The following CNTLN variants were observed in gnomAD, a reference collection of about 807,000 sequenced individuals.
The protein encoded by CNTLN is centlein, also known as centlein, centrosomal protein.
In CNTLN, 212 loss-of-function variants were observed where a neutral mutation model predicts 180.0. That is an observed-to-expected ratio of 1.18 (90% CI 1.05 to 1.32). CNTLN has a LOEUF of 1.32. CNTLN is among the 40% of genes most tolerant of loss of function. The pLI, the probability that CNTLN is intolerant of heterozygous loss-of-function variation, is 0.00. For synonymous variants in CNTLN, 722 were observed against 563.1 expected, an observed-to-expected ratio of 1.28 and a Z score of -3.99; for missense variants, 2,095 against 1,610.9, an observed-to-expected ratio of 1.30 and a Z score of -5.14.
chr9:17,409,222 C>T (rs1564080382), intron 15 of CNTLN, 71 bp from the exon 16 acceptor site: 16 of 1,407,046 alleles, frequency 1.1e-5, no homozygotes, highest in Middle Eastern at 1.8e-4. Context: ...ATTATTTGGT[C>T]TTGAACTTAA....
chr9:17,311,162 T>C (rs1015219736), intron 8 of CNTLN, among the ~76,000 whole-genome samples: 3 of 151,806 alleles, frequency 2.0e-5, no homozygotes, highest in Non-Finnish European at 4.4e-5. Flanking sequence ...GTAGCTGGGA[T>C]TATAGGCGCC....
At chr9:17,473,782 C>G (rs1045363149) in intron 23 of CNTLN, among the ~76,000 whole-genome samples, 3 of 152,096 alleles carry the variant, frequency 2.0e-5, no homozygotes, top group Non-Finnish European at 2.9e-5. Flanking sequence ...ATTACCCCGC[C>G]AAAGTAGTTT....
chr9:17,332,997 T>C (rs576563711), intron 10 of CNTLN, among the ~76,000 whole-genome samples: 1 of 152,194 alleles, frequency 6.6e-6, no homozygotes, highest in South Asian at 2.1e-4. Flanking sequence ...ATAAATTTCT[T>C]AACCCTTTCC....
intron 18 of CNTLN, among the ~76,000 whole-genome samples, chr9:17,429,265 G>A (rs991759253): frequency 2.0e-5 from 3 of 152,012 alleles, no homozygotes; most frequent in Admixed American, 6.6e-5. Flanking sequence ...CTTCTTAGCT[G>A]TAACAGAAGT....
chr9:17,507,935 T>C (rs183513502), downstream of CNTLN, among the ~76,000 whole-genome samples: 45 of 152,298 alleles, frequency 3.0e-4, no homozygotes, highest in African/African-American at 1.1e-3. Flanking sequence ...TCATTAGGGA[T>C]AATTTAAAAG....
chr9:17,237,354 TACACACACACACACACACACACACACAC>T (rs59168012), intron 5 of CNTLN, among the ~76,000 whole-genome samples: 2 of 106,462 alleles, frequency 1.9e-5, no homozygotes, highest in African/African-American at 3.5e-5. Context: ...TATATGCCCC[TACACACACACACACACACACACACACAC>T]ACACACACAC....
At chr9:17,222,321 G>T (rs973198461) in intron 2 of CNTLN, among the ~76,000 whole-genome samples, 4 of 151,930 alleles carry the variant, frequency 2.6e-5, no homozygotes, top group African/African-American at 9.7e-5. Flanking sequence ...ATCAACTACT[G>T]ACCTTAATTG....
the CNTLN span, among the ~76,000 whole-genome samples, chr9:17,514,026 A>G: frequency 6.6e-6 from 1 of 151,942 alleles, no homozygotes; most frequent in African/African-American, 2.4e-5. Flanking sequence ...GTAGAAAGTC[A>G]GCCAGGCACA....
intron 6 of CNTLN, among the ~76,000 whole-genome samples, chr9:17,279,258 G>C (rs909636103): frequency 2.0e-5 from 3 of 151,978 alleles, no homozygotes; most frequent in Admixed American, 2.0e-4. Flanking sequence ...CAGATGTTTA[G>C]GCATAATTCT....
intron 6 of CNTLN, 50 bp downstream of exon 6, chr9:17,273,916 T>G: frequency 7.5e-7 from 1 of 1,333,350 alleles, no homozygotes; most frequent in Non-Finnish European, 1.0e-6. Context: ...TCATTAGTTA[T>G]TCAGAATGAT....
chr9:17,281,297 C>T (rs1256199680), intron 6 of CNTLN, among the ~76,000 whole-genome samples: 1 of 151,652 alleles, frequency 6.6e-6, no homozygotes, highest in East Asian at 1.9e-4. Flanking sequence ...AATTTTGTTT[C>T]AAGTTCCAGG....
chr9:17,458,779 A>G (rs1187267996), intron 19 of CNTLN, among the ~76,000 whole-genome samples: 2 of 151,910 alleles, frequency 1.3e-5, no homozygotes, highest in Non-Finnish European at 2.9e-5. Context: ...TCTTTAGTCA[A>G]TTTATGTGTA....
At chr9:17,322,330 C>T (rs1226888385) in intron 8 of CNTLN, among the ~76,000 whole-genome samples, 1 of 151,912 alleles carries the variant, frequency 6.6e-6, no homozygotes, top group Non-Finnish European at 1.5e-5. Flanking sequence ...TAACTATAAA[C>T]TTTTTTTCTA....
intron 2 of CNTLN, among the ~76,000 whole-genome samples, chr9:17,198,378 TTTTC>T (rs1201715987): frequency 4.7e-5 from 7 of 149,538 alleles, no homozygotes; most frequent in Non-Finnish European, 1.0e-4. Context: ...ATGGAATGTC[TTTTC>T]TTTCTTTTTT....
intron 12 of CNTLN, among the ~76,000 whole-genome samples, chr9:17,353,934 A>C (rs2133318320): frequency 6.6e-6 from 1 of 152,192 alleles, no homozygotes; most frequent in East Asian, 1.9e-4. Context: ...GGAGGTGTGG[A>C]GGGAGAGGCG....
At chr9:17,311,980 T>C (rs1444429737) in intron 8 of CNTLN, among the ~76,000 whole-genome samples, 2 of 146,030 alleles carry the variant, frequency 1.4e-5, no homozygotes, top group Admixed American at 7.0e-5. Context: ...GGTGTTAGTA[T>C]AATAATTGAC....
intron 13 of CNTLN, among the ~76,000 whole-genome samples, chr9:17,383,377 G>T (rs1248412329): frequency 3.3e-5 from 5 of 151,584 alleles, no homozygotes; most frequent in African/African-American, 4.8e-5. Context: ...AGTTGGGTGT[G>T]GTGGCACACA....
chr9:17,418,622 T>A (rs978268185), intron 18 of CNTLN, among the ~76,000 whole-genome samples: 18 of 151,916 alleles, frequency 1.2e-4, no homozygotes, highest in African/African-American at 4.3e-4. Flanking sequence ...AGAATTCCTA[T>A]ATGCTCGGTA....
intron 5 of CNTLN, among the ~76,000 whole-genome samples, chr9:17,240,967 T>C (rs7025912): frequency 0.21 from 31,234 of 152,056 alleles, 4,078 homozygotes; most frequent in African/African-American, 0.36. Context: ...CATGCCATTC[T>C]CCTGCCTCAG....
Sources: allele counts gnomAD v4.1 joint callset (sites outside exome capture counted in the v4.1 genomes callset), GRCh38; gene constraint gnomAD v4.1.1; transcripts MANE v1.5; gene names NCBI Gene and HGNC (gene_info 2026-07-23, HGNC 2026-07-21).